Variants in SYBU observed in about 807,000 individuals in gnomAD.
SYBU encodes GOLSYN A protein.
A neutral mutation model predicts 35.9 loss-of-function variants in SYBU; 21 were observed. The observed-to-expected ratio is 0.58, with a 90% CI of 0.41 to 0.84. SYBU has a LOEUF of 0.84. Ranked by LOEUF, SYBU falls within the 40% of genes least tolerant of loss-of-function variation. SYBU has a pLI of 0.00. For synonymous variants in SYBU, 319 were observed against 324.3 expected (o/e 0.98, Z 0.18); for missense variants, 768 against 848.2 (o/e 0.91, Z 1.17).
chr8:109,672,682 A>T (rs956540833), intron 1 of SYBU, among the ~76,000 whole-genome samples: 1 of 152,186 alleles, frequency 6.6e-6, no homozygotes, highest in African/African-American at 2.4e-5. Flanking sequence ...GCGAGACAGA[A>T]CCGTTCCCTC....
At position 109,575,497 on chromosome 8, in the gene SYBU, G is replaced by A; in HGVS notation, c.1401C>T (p.Val467=). 1 of 1,614,140 alleles carries A rather than the reference G, an allele frequency of 6.2e-7. No homozygotes were observed. The highest frequency in any genetic ancestry group is 8.5e-7 in the Non-Finnish European group (1 of 1,180,022). Residue 467 remains valine, a synonymous_variant, in exon 7 of 7, where the codon GTC becomes GTT. Coordinates refer to ENST00000276646, the MANE Select transcript of SYBU (RefSeq NM_001099754.2). ...ELVHSTPGAN[V]LELLPIVMGQ... Reference sequence around the variant, plus strand: ...CCATGACTATGGGCAGCAGCTCCAGGACGTTAGCCCCAGGGGTGGAATGCA... The same window carrying A: ...CCATGACTATGGGCAGCAGCTCCAGAACGTTAGCCCCAGGGGTGGAATGCA...
Position 109,575,981 on chromosome 8 carries a change from A to G in SYBU, c.917T>C (p.Leu306Pro), listed in dbSNP as rs1219980548. Residue 306 changes from leucine to proline, a missense_variant, in exon 7 of 7, where the codon CTG becomes CCG. Transcript: ENST00000276646. ...AATCCAGTCCTCTCGCATGCGGGCC[A>G]GCTGGGACTTAAGCTCCACGATTTC... ...ESEIVELKSQ[L>P]ARMREDWIEE... The G allele has an allele frequency of 9.4e-6, 15 of 1,601,292 alleles. No individual in the cohort carries two copies. The highest frequency in any genetic ancestry group is 1.2e-5 in the Non-Finnish European group (14 of 1,176,202).
chr8:109,656,749 T>TTTACC (rs1236900219), intron 1 of SYBU, among the ~76,000 whole-genome samples: 1 of 152,194 alleles, frequency 6.6e-6, no homozygotes, highest in Non-Finnish European at 1.5e-5. Context: ...ATTTAAGTAC[T>TTTACC]TTACCTTGGT....
At chr8:109,581,409 C>T (rs761779794) in intron 4 of SYBU, among the ~76,000 whole-genome samples, 4 of 152,172 alleles carry the variant, frequency 2.6e-5, no homozygotes, top group Non-Finnish European at 4.4e-5. Context: ...TCAAAGAATG[C>T]ATGTGAGTAC....
At chr8:109,607,099 A>G (rs1826146633) in intron 3 of SYBU, among the ~76,000 whole-genome samples, 2 of 152,114 alleles carry the variant, frequency 1.3e-5, no homozygotes, top group South Asian at 2.1e-4. Context: ...TGTTTCTACT[A>G]ATTAATTTTA....
At chr8:109,679,890 A>G (rs566715691) in intron 1 of SYBU, among the ~76,000 whole-genome samples, 7 of 152,328 alleles carry the variant, frequency 4.6e-5, no homozygotes, top group African/African-American at 1.7e-4. Context: ...AGCTGTATTT[A>G]AATCCAGTTT....
intron 1 of SYBU, among the ~76,000 whole-genome samples, chr8:109,676,045 A>C (rs1381693111): frequency 6.6e-6 from 1 of 152,252 alleles, no homozygotes; most frequent in Non-Finnish European, 1.5e-5. Context: ...AAACCACTTG[A>C]TTATCTCAAC....
At chr8:109,655,197 C>T (rs10096439) in intron 1 of SYBU, among the ~76,000 whole-genome samples, 1,963 of 152,364 alleles carry the variant, frequency 0.013, 13 homozygotes, top group Middle Eastern at 0.051. Flanking sequence ...CAATCTTCAA[C>T]CTCCATCTCC....
At chr8:109,618,678 C>T in intron 3 of SYBU, 164 bp downstream of exon 3, 1 of 658,430 alleles carries the variant, frequency 1.5e-6, no homozygotes, top group Admixed American at 2.7e-5. Context: ...AAAACCATTT[C>T]AGAAAATAGT....
intron 3 of SYBU, among the ~76,000 whole-genome samples, chr8:109,615,339 A>G (rs1419464083): frequency 1.3e-5 from 2 of 152,178 alleles, no homozygotes; most frequent in African/African-American, 2.4e-5. Flanking sequence ...GAGGCAGGAC[A>G]TTTTGACCTG....
chr8:109,622,793 C>CA (rs1812577400), intron 2 of SYBU, among the ~76,000 whole-genome samples: 1 of 152,130 alleles, frequency 6.6e-6, no homozygotes, highest in African/African-American at 2.4e-5. Context: ...TTATCAATGA[C>CA]AAAGATTTCT....
At chr8:109,656,264 C>T (rs1295662814) in intron 1 of SYBU, among the ~76,000 whole-genome samples, 2 of 152,172 alleles carry the variant, frequency 1.3e-5, no homozygotes, top group Admixed American at 1.3e-4. Flanking sequence ...GCTTGAGACA[C>T]TAAGTATAGA....
chr8:109,650,120 C>T (rs922779054), intron 1 of SYBU, among the ~76,000 whole-genome samples: 13 of 152,092 alleles, frequency 8.5e-5, no homozygotes, highest in African/African-American at 3.1e-4. Context: ...GAGGATGCTT[C>T]TCAGACATGC....
intron 1 of SYBU, among the ~76,000 whole-genome samples, chr8:109,650,431 A>G (rs1265334351): frequency 2.0e-5 from 3 of 152,224 alleles, no homozygotes; most frequent in African/African-American, 7.2e-5. Flanking sequence ...GAGCAAGAAC[A>G]CTATTGCCAA....
intron 1 of SYBU, among the ~76,000 whole-genome samples, chr8:109,650,424 C>A (rs193006896): frequency 6.6e-6 from 1 of 152,162 alleles, no homozygotes; most frequent in Non-Finnish European, 1.5e-5. Flanking sequence ...TCTCAAAGAG[C>A]AAGAACACTA....
At chr8:109,628,262 C>G (rs545490745) in intron 2 of SYBU, among the ~76,000 whole-genome samples, 1 of 151,972 alleles carries the variant, frequency 6.6e-6, no homozygotes, top group South Asian at 2.1e-4. Flanking sequence ...AATCCCAGCA[C>G]TTTTGGGAGG....
At chr8:109,633,823 T>A (rs574006742) in intron 2 of SYBU, among the ~76,000 whole-genome samples, 1 of 152,130 alleles carries the variant, frequency 6.6e-6, no homozygotes, top group South Asian at 2.1e-4. Flanking sequence ...AGCCTCCACC[T>A]CCCGGGCTCA....
At chr8:109,681,550 C>A (rs1427098338), upstream of SYBU, among the ~76,000 whole-genome samples, 1 of 152,082 alleles carries the variant, frequency 6.6e-6, no homozygotes. Flanking sequence ...TATGTGCTAT[C>A]TCATCCCTTC....
rs60859789 is a variant in SYBU, at chr8:109,582,869, G to T, written c.531-2867C>A. Among the ~76,000 whole-genome samples, 1,412 of 152,274 alleles carry T rather than the reference G, an allele frequency of 9.3e-3. 37 individuals are homozygous for T. Among genetic ancestry groups the T allele is most frequent in the African/African-American group, 0.033 (1,353 of 41,558 alleles). On this transcript the variant is annotated intron_variant, in intron 4 of 6. Transcript: ENST00000276646. ...GAATTTGAGCAGACATAAACAGAAG[G>T]AAGATGCTGTAGAGACACAGGGAGA...
Sources: gnomAD v4.1 joint callset for allele counts (sites outside exome capture counted in the v4.1 genomes callset) on GRCh38, gnomAD v4.1.1 for gene constraint, MANE v1.5 for transcripts, NCBI Gene and HGNC (gene_info 2026-07-23, HGNC 2026-07-21) for gene names.